Variants in LDLRAD3 observed in about 807,000 individuals in gnomAD.
LDLRAD3 encodes low density lipoprotein receptor class A domain containing 3, also known as low-density lipoprotein receptor class A domain-containing protein 3.
LDLRAD3 carries 20 observed loss-of-function variants against 29.4 expected under a neutral mutation model. The observed-to-expected ratio is 0.68, with a 90% CI of 0.48 to 0.99. LDLRAD3 has a LOEUF of 0.99. Ranked by LOEUF, LDLRAD3 falls within the 50% of genes least tolerant of loss-of-function variation. The pLI, the probability that LDLRAD3 is intolerant of heterozygous loss-of-function variation, is 0.00. For synonymous variants in LDLRAD3, 157 were observed against 192.7 expected, an observed-to-expected ratio of 0.81 and a Z score of 1.53; for missense variants, 420 against 454.3, an observed-to-expected ratio of 0.92 and a Z score of 0.69.
At chr11:36,057,170 T>G (rs1412470432) in intron 2 of LDLRAD3, among the ~76,000 whole-genome samples, 1 of 152,172 alleles carries the variant, frequency 6.6e-6, no homozygotes, top group Admixed American at 6.5e-5. Flanking sequence ...CTCAGGAAAC[T>G]GCCAGTGTCC....
At chr11:36,139,580 T>C (rs1319274100) in intron 4 of LDLRAD3, among the ~76,000 whole-genome samples, 1 of 152,198 alleles carries the variant, frequency 6.6e-6, no homozygotes, top group East Asian at 1.9e-4. Flanking sequence ...ACAACAACCC[T>C]CATCTTAACA....
At chr11:36,050,758 A>G (rs1249172017) in intron 2 of LDLRAD3, among the ~76,000 whole-genome samples, 1 of 152,228 alleles carries the variant, frequency 6.6e-6, no homozygotes, top group Non-Finnish European at 1.5e-5. Context: ...TCTCAGAGTG[A>G]CAGTATCTTA....
At chr11:36,229,121 G>T (rs750790800) in intron 5 of LDLRAD3, 39 bp from the exon 6 acceptor site, 1 of 1,391,366 alleles carries the variant, frequency 7.2e-7, no homozygotes, top group Admixed American at 1.7e-5. Flanking sequence ...TTCTCTTCCT[G>T]TCTCCATTGC....
chr11:36,199,057 C>T (rs1412059988), intron 4 of LDLRAD3, among the ~76,000 whole-genome samples: 4 of 152,152 alleles, frequency 2.6e-5, no homozygotes, highest in Non-Finnish European at 5.9e-5. Context: ...CCTGCCACCT[C>T]GCCCGGCTAA....
intron 1 of LDLRAD3, chr11:35,966,923 A>G (rs566205137): frequency 4.5e-5 from 7 of 153,886 alleles, no homozygotes; most frequent in Middle Eastern, 1.0e-3. Context: ...ATTCCTTTCT[A>G]TGTACAGCGA....
intron 4 of LDLRAD3, among the ~76,000 whole-genome samples, chr11:36,149,199 A>C (rs1188660375): frequency 2.0e-5 from 3 of 152,218 alleles, no homozygotes; most frequent in African/African-American, 7.2e-5. Flanking sequence ...CCTTTCTGCA[A>C]GATTCTTGAG....
intron 4 of LDLRAD3, among the ~76,000 whole-genome samples, chr11:36,145,809 A>C (rs1854182846): frequency 6.7e-6 from 1 of 150,374 alleles, no homozygotes; most frequent in Non-Finnish European, 1.5e-5. Flanking sequence ...TGAAGGCAGC[A>C]TGCTGGTTAA....
rs201918925 is a variant in LDLRAD3, at chr11:36,052,984, T to A, written c.193+16735T>A. On this transcript the variant is annotated intron_variant, in intron 2 of 5. Transcript: ENST00000315571. ...TGAGGTCTGATTTTTTTTTTTTTTT[T>A]AAACTCTGCAGTGAGGAGTAGGACC... 3.4e-5 allele frequency among the ~76,000 whole-genome samples: 4 copies of A among 119,348 alleles called. No homozygotes were observed. In the East Asian group the frequency reaches 8.1e-4, roughly 24 times the overall value. 78.3% of individuals were successfully genotyped at this position (119,348 alleles called of 152,430 possible).
intron 1 of LDLRAD3, among the ~76,000 whole-genome samples, chr11:36,014,917 G>T (rs1051073869): frequency 1.3e-5 from 2 of 152,180 alleles, no homozygotes; most frequent in African/African-American, 4.8e-5. Context: ...GCCCCCAGAC[G>T]AACCATGTGG....
intron 4 of LDLRAD3, among the ~76,000 whole-genome samples, chr11:36,144,101 G>A (rs1286693170): frequency 6.6e-6 from 1 of 152,016 alleles, no homozygotes; most frequent in Admixed American, 6.5e-5. Flanking sequence ...ACTGGTTTTC[G>A]TATTTTTTTG....
chr11:36,127,370 T>C (rs1369774913), intron 4 of LDLRAD3, among the ~76,000 whole-genome samples: 1 of 152,192 alleles, frequency 6.6e-6, no homozygotes, highest in African/African-American at 2.4e-5. Context: ...CACTTATATA[T>C]TTGAATTTAT....
At chr11:36,182,628 C>T (rs1258442077) in intron 4 of LDLRAD3, among the ~76,000 whole-genome samples, 1 of 152,166 alleles carries the variant, frequency 6.6e-6, no homozygotes, top group African/African-American at 2.4e-5. Flanking sequence ...ATTTGCTCCT[C>T]CTCTTGGTAT....
chr11:36,088,989 T>C (rs570938193), intron 3 of LDLRAD3, among the ~76,000 whole-genome samples: 60 of 152,322 alleles, frequency 3.9e-4, no homozygotes, highest in African/African-American at 1.4e-3. Flanking sequence ...CTGTCTTCCC[T>C]ACTACATTGT....
intron 4 of LDLRAD3, among the ~76,000 whole-genome samples, chr11:36,208,384 G>A (rs764604157): frequency 2.0e-5 from 3 of 152,204 alleles, no homozygotes; most frequent in African/African-American, 4.8e-5. Context: ...GCCATCTAGC[G>A]AGGGCTGCTC....
intron 1 of LDLRAD3, among the ~76,000 whole-genome samples, chr11:35,998,064 G>A (rs959896696): frequency 1.6e-4 from 25 of 152,196 alleles, no homozygotes; most frequent in African/African-American, 5.6e-4. Context: ...TTCACTGGAG[G>A]AGGGTGCTTG....
intron 4 of LDLRAD3, among the ~76,000 whole-genome samples, chr11:36,165,999 T>G (rs1854510368): frequency 8.2e-6 from 1 of 121,904 alleles, no homozygotes; most frequent in African/African-American, 3.1e-5. Flanking sequence ...CCTTCCTTCC[T>G]TCCTCTATTC....
intron 4 of LDLRAD3, among the ~76,000 whole-genome samples, chr11:36,219,357 T>C (rs557119605): frequency 6.6e-6 from 1 of 152,312 alleles, no homozygotes; most frequent in Admixed American, 6.5e-5. Flanking sequence ...AAAGTTCATT[T>C]TGGAAGGGGG....
intron 1 of LDLRAD3, among the ~76,000 whole-genome samples, chr11:35,994,438 A>T (rs1349802431): frequency 6.6e-6 from 1 of 151,942 alleles, no homozygotes; most frequent in African/African-American, 2.4e-5. Context: ...ATATACCTTA[A>T]TTAAAAATAC....
At chr11:36,205,723 A>G (rs1036482315) in intron 4 of LDLRAD3, among the ~76,000 whole-genome samples, 2 of 152,242 alleles carry the variant, frequency 1.3e-5, no homozygotes, top group Admixed American at 6.5e-5. Context: ...TCGGAAGCCA[A>G]TGAAAAAATA....
Sources: allele counts gnomAD v4.1 joint callset (sites outside exome capture counted in the v4.1 genomes callset), GRCh38; gene constraint gnomAD v4.1.1; transcripts MANE v1.5; gene names NCBI Gene and HGNC (gene_info 2026-07-23, HGNC 2026-07-21).